The following MGST1 variants were observed in gnomAD, a reference collection of about 807,000 sequenced individuals.
The protein encoded by MGST1 is glutathione S-transferase 12.
MGST1 carries 5 observed loss-of-function variants against 8.9 expected under a neutral mutation model. That is an observed-to-expected ratio of 0.56 (90% CI 0.29 to 1.19). MGST1 has a LOEUF of 1.19. Ranked by LOEUF, MGST1 falls within the 50% of genes most tolerant of loss-of-function variation. MGST1 has a pLI of 0.08. For missense variants in MGST1, 182 were observed against 187.4 expected (o/e 0.97, Z 0.17); for synonymous variants, 54 against 67.8 (o/e 0.80, Z 1.00).
intron 1 of MGST1, among the ~76,000 whole-genome samples, chr12:16,397,002 G>T (rs1940611432): frequency 6.6e-6 from 1 of 152,020 alleles, no homozygotes; most frequent in African/African-American, 2.4e-5. Flanking sequence ...AAATCTAGAG[G>T]CATCACATTA....
At chr12:16,348,247 TGCTA>T (rs1171050303) in intron 1 of MGST1, among the ~76,000 whole-genome samples, 1 of 152,186 alleles carries the variant, frequency 6.6e-6, no homozygotes, top group African/African-American at 2.4e-5. Context: ...CTGCTAATAA[TGCTA>T]GCTATCGAAA....
downstream of MGST1, among the ~76,000 whole-genome samples, chr12:16,381,469 C>G (rs1940453481): frequency 6.6e-6 from 1 of 152,148 alleles, no homozygotes; most frequent in African/African-American, 2.4e-5. Context: ...ATATTGGTCC[C>G]CACTCTCTTC....
Position 16,401,131 on chromosome 12 carries a change from A to G in MGST1, n.778+17527A>G. 1 of 1,572,508 alleles carries G rather than the reference A, an allele frequency of 6.4e-7. No homozygotes were observed. The highest frequency in any genetic ancestry group is 1.3e-5 in the African/African-American group (1 of 74,164). On this transcript the variant is annotated intron_variant and non_coding_transcript_variant, in intron 1 of 1. Transcript: ENST00000359720. The surrounding 1 kb of genome is among the most constrained non-coding windows in gnomAD (Gnocchi z 4.3). ...CTTTTCCTCATCTTCGTTCCTTAGG[A>G]AAATACCCACATTCTTCACTTTCTT...
chr12:16,588,589 A>C (rs148195904), intron 4 of MGST1, among the ~76,000 whole-genome samples: 13 of 152,210 alleles, frequency 8.5e-5, no homozygotes, highest in African/African-American at 2.9e-4. Flanking sequence ...AATTCTCCCA[A>C]AGATCCAAAT....
In MGST1 at chr12:16,394,518, CTTTCTTTCTTTCTT is replaced by C. The variant is rs1565446389; in HGVS notation, n.778+10916_778+10929del. ...TCTTTCTCTCTCTTTCTCTCCCTTT[CTTTCTTTCTTTCTT>C]TCTTTCTTTCTTTCTTTCTTTCTTT... On this transcript the variant is annotated intron_variant and non_coding_transcript_variant, in intron 1 of 1. Coordinates refer to the MGST1 transcript ENST00000359720. Among the ~76,000 whole-genome samples the C allele has an allele frequency of 8.9e-3, 694 of 77,710 alleles. 20 individuals carry two copies. The highest frequency in any genetic ancestry group is 0.031 in the African/African-American group (608 of 19,580). 51.0% of individuals were successfully genotyped at this position (77,710 alleles called of 152,430 possible).
intron 1 of MGST1, among the ~76,000 whole-genome samples, chr12:16,432,689 C>T (rs1020057775): frequency 8.6e-4 from 105 of 121,404 alleles, no homozygotes; most frequent in African/African-American, 3.2e-3. Context: ...GACACACACA[C>T]ACACACACAC....
chr12:16,492,225 T>C (rs1175095970), intron 4 of MGST1, among the ~76,000 whole-genome samples: 4 of 152,186 alleles, frequency 2.6e-5, no homozygotes, highest in Non-Finnish European at 5.9e-5. Context: ...GGTGATAATG[T>C]ATTAAAATCT....
At chr12:16,523,499 A>G (rs1280782663) in intron 4 of MGST1, among the ~76,000 whole-genome samples, 5 of 152,024 alleles carry the variant, frequency 3.3e-5, no homozygotes, top group African/African-American at 1.2e-4. Context: ...CCACAGTGCA[A>G]TCACTGATGT....
At chr12:16,512,787 A>G (rs115059909) in intron 4 of MGST1, among the ~76,000 whole-genome samples, 1,634 of 152,346 alleles carry the variant, frequency 0.011, 35 homozygotes, top group African/African-American at 0.037. Flanking sequence ...GGCAATTTGC[A>G]TATAGCACTG....
At chr12:16,518,006 C>T (rs892146827) in intron 4 of MGST1, among the ~76,000 whole-genome samples, 1 of 152,238 alleles carries the variant, frequency 6.6e-6, no homozygotes, top group Non-Finnish European at 1.5e-5. Context: ...GGTGGTCACA[C>T]TGAGGTCTTC....
chr12:16,530,029 T>A (rs1359002306), intron 4 of MGST1, among the ~76,000 whole-genome samples: 1 of 152,066 alleles, frequency 6.6e-6, no homozygotes, highest in Non-Finnish European at 1.5e-5. Flanking sequence ...TGTATGGAAA[T>A]TTTCACAACT....
intron 4 of MGST1, among the ~76,000 whole-genome samples, chr12:16,521,486 T>C (rs575136786): frequency 2.0e-5 from 3 of 152,102 alleles, no homozygotes; most frequent in Non-Finnish European, 2.9e-5. Context: ...CAGGAAAAGC[T>C]GAATACTAAG....
chr12:16,579,858 C>G (rs1353479605), intron 4 of MGST1, among the ~76,000 whole-genome samples: 4 of 152,158 alleles, frequency 2.6e-5, no homozygotes, highest in Non-Finnish European at 4.4e-5. Flanking sequence ...TCAACCTGTA[C>G]TGATTTAGAT....
At chr12:16,591,596 A>G (rs1004175971), downstream of MGST1, among the ~76,000 whole-genome samples, 2 of 152,052 alleles carry the variant, frequency 1.3e-5, no homozygotes, top group East Asian at 3.9e-4. This position sits in a 1 kb window ranked among gnomAD's most constrained non-coding sequence, Gnocchi z 4.1. Context: ...GATCACATTT[A>G]TTGAATGAAA....
chr12:16,543,100 C>T (rs1941801751), intron 4 of MGST1, among the ~76,000 whole-genome samples: 1 of 152,152 alleles, frequency 6.6e-6, no homozygotes, highest in Non-Finnish European at 1.5e-5. Context: ...CTGTCTTCCT[C>T]AAGTGCAGGG....
intron 1 of MGST1, among the ~76,000 whole-genome samples, chr12:16,384,026 C>T (rs1940481791): frequency 6.6e-6 from 1 of 152,032 alleles, no homozygotes; most frequent in African/African-American, 2.4e-5. Context: ...GGAATTAACA[C>T]AGGTGCAACA....
At position 16,538,310 on chromosome 12, in the gene MGST1, T is replaced by C. The variant is rs763164686; in HGVS notation, n.483-51218T>C. 4.3e-4 allele frequency among the ~76,000 whole-genome samples: 66 copies of C among 152,112 alleles called. 1 individual carries two copies. Among genetic ancestry groups the C allele is most frequent in the Non-Finnish European group, 1.5e-4 (10 of 68,024 alleles). ...TTGTTCAAATCACTATCATCATTTT[T>C]GTCAAAGCCATTCAACAAGTCTCTA... On this transcript the variant is annotated intron_variant and non_coding_transcript_variant, in intron 4 of 4. Transcript: ENST00000538857.
intron 1 of MGST1, among the ~76,000 whole-genome samples, chr12:16,426,993 A>G (rs1311745715): frequency 6.6e-6 from 1 of 151,708 alleles, no homozygotes; most frequent in Admixed American, 6.6e-5. Context: ...AAAAAGCTGA[A>G]CAAAACAGAA....
intron 1 of MGST1, among the ~76,000 whole-genome samples, chr12:16,426,132 A>C (rs718481): frequency 0.51 from 76,998 of 152,014 alleles, 19,626 homozygotes; most frequent in African/African-American, 0.54. Flanking sequence ...TGCTCAACAA[A>C]ATGTCTCATT....
Sources: allele counts gnomAD v4.1 joint callset (sites outside exome capture counted in the v4.1 genomes callset), GRCh38; gene constraint gnomAD v4.1.1; non-coding constraint Gnocchi (gnomAD v3.1); transcripts MANE v1.5; gene names NCBI Gene and HGNC (gene_info 2026-07-23, HGNC 2026-07-21).